Variants in KLRG1 observed in about 807,000 individuals in gnomAD.
KLRG1 encodes the protein killer cell lectin like receptor G1.
KLRG1 carries 16 observed loss-of-function variants against 21.8 expected under a neutral mutation model. The ratio of observed to expected loss-of-function variants is 0.73; its 90% CI spans 0.50 to 1.11. The LOEUF (loss-of-function observed/expected upper bound fraction) is 1.11, where lower values mean the gene tolerates loss of function less well. Ranked by LOEUF, KLRG1 falls within the 50% of genes most tolerant of loss-of-function variation. The pLI is 0.00. For missense variants in KLRG1, 173 were observed against 218.3 expected, an observed-to-expected ratio of 0.79 and a Z score of 1.31; for synonymous variants, 69 against 75.9, an observed-to-expected ratio of 0.91 and a Z score of 0.47.
chr12:9,196,944 A>C, the KLRG1 span: 2 of 1,205,694 alleles, frequency 1.7e-6, no homozygotes, highest in Non-Finnish European at 2.4e-6. Flanking sequence ...CCCTCTTTCT[A>C]GTTAGTAAAA....
the KLRG1 span, among the ~76,000 whole-genome samples, chr12:9,159,756 G>C: frequency 6.6e-6 from 1 of 151,504 alleles, no homozygotes; most frequent in Non-Finnish European, 1.5e-5. Context: ...CTCTCAACTA[G>C]ATGCGGCCCC....
chr12:9,194,532 T>C, the KLRG1 span, among the ~76,000 whole-genome samples: 2 of 145,562 alleles, frequency 1.4e-5, no homozygotes, highest in African/African-American at 5.1e-5. Context: ...TGGCGCGATC[T>C]CGGCTCACTG....
At chr12:9,166,320 T>C in the KLRG1 span, 1 of 877,664 alleles carries the variant, frequency 1.1e-6, no homozygotes, top group Non-Finnish European at 1.7e-6. Context: ...CTAAAAGTCT[T>C]GTAGAAGTTG....
chr12:9,151,250 G>A, the KLRG1 span, among the ~76,000 whole-genome samples: 2 of 152,082 alleles, frequency 1.3e-5, no homozygotes, highest in East Asian at 1.9e-4. Context: ...TAACAGGAAT[G>A]CATGATAACC....
At chr12:9,050,713 G>A in the KLRG1 span, among the ~76,000 whole-genome samples, 3 of 152,294 alleles carry the variant, frequency 2.0e-5, no homozygotes, top group Admixed American at 6.5e-5. Flanking sequence ...CGCGCTCCAC[G>A]GAGCAGGCAG....
At chr12:9,085,472 T>C in the KLRG1 span, among the ~76,000 whole-genome samples, 5 of 151,860 alleles carry the variant, frequency 3.3e-5, no homozygotes, top group Non-Finnish European at 5.9e-5. Context: ...CAAATGAACA[T>C]GGAAATGGAG....
At chr12:9,135,393 C>A in the KLRG1 span, 1 of 338,902 alleles carries the variant, frequency 3.0e-6, no homozygotes. Context: ...CTCACGCTCA[C>A]CTCAACCTAT....
the KLRG1 span, among the ~76,000 whole-genome samples, chr12:9,082,903 A>G: frequency 1.3e-5 from 2 of 152,246 alleles, no homozygotes; most frequent in African/African-American, 2.4e-5. Context: ...TCTTTATAGC[A>G]GCATGATTTA....
At chr12:9,151,152 T>C in the KLRG1 span, among the ~76,000 whole-genome samples, 1 of 152,226 alleles carries the variant, frequency 6.6e-6, no homozygotes, top group South Asian at 2.1e-4. Context: ...CCTCATTTTA[T>C]TTTATGGTGA....
chr12:9,115,643 G>A, the KLRG1 span: 1 of 733,202 alleles, frequency 1.4e-6, no homozygotes, highest in Non-Finnish European at 2.3e-6. Flanking sequence ...AAATCTGGAA[G>A]GAATCTTAGA....
At chr12:9,153,547 AT>A in the KLRG1 span, among the ~76,000 whole-genome samples, 1 of 152,250 alleles carries the variant, frequency 6.6e-6, no homozygotes, top group Non-Finnish European at 1.5e-5. Flanking sequence ...TAAAAGGCTA[AT>A]AATGTTTATT....
At chr12:9,120,290 T>C in the KLRG1 span, among the ~76,000 whole-genome samples, 2,197 of 152,222 alleles carry the variant, frequency 0.014, 55 homozygotes, top group African/African-American at 0.05. Context: ...TTTGAACCAG[T>C]TCTATACAGT....
chr12:9,160,000 T>C, the KLRG1 span: 3 of 1,613,790 alleles, frequency 1.9e-6, no homozygotes, highest in Admixed American at 5.0e-5. Flanking sequence ...CATCTTGGTG[T>C]TTGTAGTTCA....
At chr12:9,038,736 G>A in the KLRG1 span, among the ~76,000 whole-genome samples, 1 of 151,850 alleles carries the variant, frequency 6.6e-6, no homozygotes, top group Non-Finnish European at 1.5e-5. Flanking sequence ...GCTGTATGTA[G>A]AGGAAAACAA....
the KLRG1 span, chr12:9,192,056 A>G: frequency 1.0e-4 from 73 of 698,996 alleles, no homozygotes; most frequent in South Asian, 5.8e-4. Flanking sequence ...CCAAAGAGTC[A>G]TAAGACGAGT....
chr12:9,052,383 C>G, the KLRG1 span, among the ~76,000 whole-genome samples: 1 of 152,184 alleles, frequency 6.6e-6, no homozygotes, highest in African/African-American at 2.4e-5. Flanking sequence ...AAATTCAAAT[C>G]GTGAGCAGCA....
At chr12:9,126,516 C>T in the KLRG1 span, among the ~76,000 whole-genome samples, 2 of 152,166 alleles carry the variant, frequency 1.3e-5, no homozygotes, top group African/African-American at 4.8e-5. Flanking sequence ...TTACCTGCTG[C>T]CCATCTGATT....
the KLRG1 span, among the ~76,000 whole-genome samples, chr12:9,193,851 T>C: frequency 6.6e-6 from 1 of 152,174 alleles, no homozygotes; most frequent in South Asian, 2.1e-4. Flanking sequence ...TTTCATACTA[T>C]ATAAAATGTT....
chr12:9,039,081 T>C, the KLRG1 span, among the ~76,000 whole-genome samples: 5 of 152,342 alleles, frequency 3.3e-5, no homozygotes, highest in South Asian at 8.3e-4. Context: ...GGTTGGAGAA[T>C]AAAGCTCTTT....
Sources: allele counts gnomAD v4.1 joint callset (sites outside exome capture counted in the v4.1 genomes callset), GRCh38; gene constraint gnomAD v4.1.1; transcripts MANE v1.5; gene names NCBI Gene and HGNC (gene_info 2026-07-23, HGNC 2026-07-21).